Variants in PKD2 observed in about 807,000 individuals in gnomAD.
PKD2 encodes the protein polycystin 2, transient receptor potential cation channel.
Under a neutral mutation model 105.9 loss-of-function variants are expected in PKD2, and 48 were observed. The ratio of observed to expected loss-of-function variants is 0.45; its 90% confidence interval spans 0.36 to 0.58. The LOEUF is 0.58. Among genes scored for constraint, PKD2 ranks in the 20% least tolerant of loss-of-function variants. PKD2 has a pLI of 0.00. For synonymous variants in PKD2, 464 were observed against 481.1 expected, an observed-to-expected ratio of 0.96 and a Z score of 0.46; for missense variants, 1,078 against 1,255.3, an observed-to-expected ratio of 0.86 and a Z score of 2.13.
chr4:88,007,992 T>C lies in PKD2; in HGVS notation c.259T>C (p.Trp87Arg). 6.6e-7 allele frequency: 1 copy of C among 1,514,160 alleles called. No individual in the cohort carries two copies. Among genetic ancestry groups the C allele is most frequent in the Non-Finnish European group, 8.8e-7 (1 of 1,135,674 alleles). The allele number at this position is 1,514,160 out of a possible 1,614,324, so 93.8% of individuals were successfully genotyped here. A position where few individuals can be genotyped will look rare whatever the true frequency, so the allele number is the denominator to read the frequency against. Residue 87 changes from tryptophan to arginine, a missense_variant, in exon 1 of 15, where the codon TGG (tryptophan) becomes CGG (arginine). Physicochemically the swap from Trp to Arg is moderately radical, Grantham distance 101. Around this residue, in one of 2 missense-constraint regions of PKD2, gnomAD observed 210 missense variants for 187.9 expected, o/e 1.12. Transcript: ENST00000237596. ...GCTCTCGTCGTGCTCCCGGCAGGCG[T>C]GGAGCCGCGATAACCCCGGCTTCGA... The part of the protein sequence containing the change: ...PPLSSCSRQA[W>R]SRDNPGFEAE...
intron 1 of PKD2, among the ~76,000 whole-genome samples, chr4:88,014,857 C>T (rs1406396761): frequency 6.6e-6 from 1 of 152,216 alleles, no homozygotes; most frequent in Non-Finnish European, 1.5e-5. Flanking sequence ...CTTCCAAGCA[C>T]TCTAAGTGCT....
At chr4:88,069,386 T>A (rs1720927614) in intron 13 of PKD2, among the ~76,000 whole-genome samples, 1 of 152,086 alleles carries the variant, frequency 6.6e-6, no homozygotes, top group Non-Finnish European at 1.5e-5. Flanking sequence ...TCTTGTACAT[T>A]AAGTGAATAT....
At chr4:88,024,965 TC>T (rs1726901572) in intron 2 of PKD2, among the ~76,000 whole-genome samples, 2 of 151,948 alleles carry the variant, frequency 1.3e-5, no homozygotes, top group African/African-American at 4.8e-5. Flanking sequence ...AAACCCCATC[TC>T]TACTAAAAAT....
intron 13 of PKD2, among the ~76,000 whole-genome samples, chr4:88,071,717 A>G (rs924061196): frequency 2.0e-5 from 3 of 151,758 alleles, no homozygotes; most frequent in African/African-American, 7.3e-5. Context: ...TCTGCCTCTG[A>G]CTTTATTCCT....
intron 2 of PKD2, among the ~76,000 whole-genome samples, chr4:88,030,515 A>G (rs1258120381): frequency 6.6e-6 from 1 of 152,222 alleles, no homozygotes; most frequent in Non-Finnish European, 1.5e-5. Flanking sequence ...CAGAACTGCC[A>G]TTCCCTATAA....
intron 2 of PKD2, among the ~76,000 whole-genome samples, chr4:88,033,309 C>T (rs989120078): frequency 1.3e-5 from 2 of 151,884 alleles, no homozygotes; most frequent in Admixed American, 6.6e-5. Context: ...TGCCTGTAGT[C>T]CCAGGTACTC....
At position 88,067,889 on chromosome 4, in the gene PKD2, G is replaced by A; in HGVS notation, c.2359-9G>A. 1 of 1,613,158 alleles carries A rather than the reference G, an allele frequency of 6.2e-7. No homozygotes were observed. The highest frequency in any genetic ancestry group is 8.5e-7 in the Non-Finnish European group (1 of 1,179,742). On this transcript the variant is annotated splice_polypyrimidine_tract_variant and intron_variant, in intron 12 of 14. Coordinates refer to ENST00000237596, the MANE Select transcript of PKD2 (RefSeq NM_000297.4). ...TCTGCTCCTCACTCAGTGACCCCTTGTTCTTCAGGAGGACCTGGATTTGGA... is the reference window on the plus strand; with the variant it reads ...TCTGCTCCTCACTCAGTGACCCCTTATTCTTCAGGAGGACCTGGATTTGGA...
chr4:88,066,687 G>A (rs531683681), intron 12 of PKD2, among the ~76,000 whole-genome samples: 17 of 151,980 alleles, frequency 1.1e-4, no homozygotes, highest in Admixed American at 5.9e-4. Context: ...ATTAACAGCC[G>A]CCTTCCATTT....
chr4:88,048,980 T>C (rs1229131583), intron 6 of PKD2, among the ~76,000 whole-genome samples: 1 of 152,258 alleles, frequency 6.6e-6, no homozygotes, highest in Non-Finnish European at 1.5e-5. Flanking sequence ...TCTTGGCTTA[T>C]ATGGATTTAT....
At position 88,065,804 on chromosome 4, in the gene PKD2, G is replaced by A. The variant is rs753806545; in HGVS notation, c.2283G>A (p.Lys761=). ...TDAEIEAIFT[K]YDQDGDQELT... ...CAGAGATTGAGGCAATATTCACAAA[G>A]TACGACCAAGATGGAGACCAAGAAC... The change falls in exon 12 of 15, where the codon AAG becomes AAA. Residue 761 remains lysine, a synonymous_variant. Transcript: ENST00000237596. 68 of 1,613,594 alleles carry A rather than the reference G, an allele frequency of 4.2e-5. No homozygotes were observed. The highest frequency in any genetic ancestry group is 1.3e-4 in the Admixed American group (8 of 59,982).
chr4:88,039,664 CAAA>C (rs368041376), intron 4 of PKD2, among the ~76,000 whole-genome samples: 2 of 97,562 alleles, frequency 2.0e-5, no homozygotes, highest in African/African-American at 3.4e-5. Flanking sequence ...GACTCCCCCT[CAAA>C]AAAAAAAAAA....
intron 2 of PKD2, among the ~76,000 whole-genome samples, chr4:88,035,495 G>A (rs1727301284): frequency 6.6e-6 from 1 of 152,174 alleles, no homozygotes; most frequent in African/African-American, 2.4e-5. Context: ...CTACCTCCAG[G>A]CTTTAGGGGA....
At chr4:88,034,496 C>G (rs2110103044) in intron 2 of PKD2, among the ~76,000 whole-genome samples, 1 of 151,888 alleles carries the variant, frequency 6.6e-6, no homozygotes, top group African/African-American at 2.4e-5. Flanking sequence ...TGGTGAAACC[C>G]TGTCTCTACT....
chr4:88,027,390 T>C lies in PKD2; in HGVS notation c.709+7819T>C, dbSNP rs370699489. On this transcript the variant is annotated intron_variant, in intron 2 of 14. Transcript: ENST00000237596. ...GAGTTTCAGACTTGAATGGGGCCTG[T>C]GACCCCTTTGTTTTGGCCAATTTCT... Among the ~76,000 whole-genome samples the C allele has an allele frequency of 4.6e-5, 7 of 152,336 alleles. No homozygotes were observed. In the East Asian group the frequency reaches 7.7e-4, roughly 17 times the overall value.
At position 88,075,087 on chromosome 4, in the gene PKD2, A is replaced by G. The variant is rs1172911402; in HGVS notation, c.2670+128A>G. 1.0e-5 allele frequency: 10 copies of G among 972,352 alleles called. No individual in the cohort carries two copies. In the Admixed American group the frequency reaches 1.1e-4, roughly 11 times the overall value. The allele number at this position is 972,352 out of a possible 1,614,324, so 60.2% of individuals were successfully genotyped here. ...AAATTTACGTTTATAGAAATTCACAATGATGTTTCCATTTACTCTCATTTT... is the reference window on the plus strand; with the variant it reads ...AAATTTACGTTTATAGAAATTCACAGTGATGTTTCCATTTACTCTCATTTT... On this transcript the variant is annotated intron_variant, in intron 14 of 14. Transcript: ENST00000237596.
rs565213785 is a variant in PKD2 at position 88,073,930 on chromosome 4, A to G, written c.2523-882A>G. On this transcript the variant is annotated intron_variant, in intron 13 of 14. Coordinates refer to ENST00000237596, the MANE Select transcript of PKD2 (RefSeq NM_000297.4). ...TCTTTGGCTTACGAGTTTTTAAAGTATTTGTATACATTTTTTAAGTTCAAA... is the reference window on the plus strand; with the variant it reads ...TCTTTGGCTTACGAGTTTTTAAAGTGTTTGTATACATTTTTTAAGTTCAAA... Among the ~76,000 whole-genome samples the G allele has an allele frequency of 4.6e-5, 7 of 152,266 alleles. 1 individual carries two copies. In the South Asian group the frequency reaches 8.3e-4, roughly 18 times the overall value.
intron 6 of PKD2, among the ~76,000 whole-genome samples, chr4:88,050,780 AAC>A (rs1281585167): frequency 1.3e-5 from 2 of 151,420 alleles, no homozygotes; most frequent in Non-Finnish European, 2.9e-5. Context: ...TCCCACCACC[AAC>A]ACAAAAATAC....
intron 4 of PKD2, among the ~76,000 whole-genome samples, chr4:88,038,960 C>T (rs1018215084): frequency 5.9e-5 from 9 of 152,098 alleles, no homozygotes; most frequent in Non-Finnish European, 1.3e-4. Flanking sequence ...GTTTAAAGCC[C>T]ATTTTGTTCA....
Position 88,007,795 on chromosome 4 carries a change from C to A in PKD2, c.62C>A (p.Pro21His). 1 of 1,166,556 alleles carries A rather than the reference C, an allele frequency of 8.6e-7. No homozygotes were observed. The highest frequency in any genetic ancestry group is 1.6e-5 in the African/African-American group (1 of 61,112). 72.3% of individuals were successfully genotyped at this position (1,166,556 alleles called of 1,614,324 possible). ...GGGGACGCCAAGCGGCCGCCCGCGCCCCGCGCGCCGGACCCGGGCCGGCTG... is the reference window on the plus strand; with the variant it reads ...GGGGACGCCAAGCGGCCGCCCGCGCACCGCGCGCCGGACCCGGGCCGGCTG... ...QPGDAKRPPAPRAPDPGRLMA... is the reference protein window; with the variant it reads ...QPGDAKRPPAHRAPDPGRLMA... Residue 21 changes from proline (P) to histidine (H), a missense_variant, in exon 1 of 15, where the codon CCC (proline) becomes CAC (histidine). This residue lies in a region of PKD2 where 210 missense variants were observed against 187.9 expected (regional missense o/e 1.12). Coordinates refer to ENST00000237596, the MANE Select transcript of PKD2 (RefSeq NM_000297.4).
Sources: gnomAD v4.1 joint callset for allele counts (sites outside exome capture counted in the v4.1 genomes callset) on GRCh38, gnomAD v4.1.1 for gene constraint, gnomAD v4.1.1 regional missense constraint, MANE v1.5 for transcripts, NCBI Gene and HGNC (gene_info 2026-07-23, HGNC 2026-07-21) for gene names.